SAMMSON: variants seen among roughly 807,000 people sequenced by gnomAD.
SAMMSON encodes the protein long intergenic non-protein coding RNA 1212.
intron 7 of SAMMSON, among the ~76,000 whole-genome samples, chr3:70,335,916 G>GA (rs1042307571): frequency 4.7e-5 from 7 of 149,522 alleles, no homozygotes; most frequent in Admixed American, 6.7e-5. Flanking sequence ...CCCCATCTTG[G>GA]AAAAAAAAAG....
At chr3:70,064,320 GA>G (rs990166724) in intron 3 of SAMMSON, among the ~76,000 whole-genome samples, 1 of 152,130 alleles carries the variant, frequency 6.6e-6, no homozygotes, top group African/African-American at 2.4e-5. Flanking sequence ...GTCATTCTCA[GA>G]AATCTGGGAC....
intron 7 of SAMMSON, among the ~76,000 whole-genome samples, chr3:70,341,281 A>G (rs898018496): frequency 1.4e-4 from 22 of 152,150 alleles, no homozygotes; most frequent in Admixed American, 1.3e-3. Context: ...TTGCACATGC[A>G]GTGACCAATT....
At chr3:70,124,996 C>G (rs770381940) in intron 4 of SAMMSON, 6 of 662,402 alleles carry the variant, frequency 9.1e-6, no homozygotes, top group African/African-American at 1.8e-5. Context: ...TCCAGGTGGT[C>G]AATTTCTTCC....
At chr3:70,263,485 C>T (rs1701887203) in intron 6 of SAMMSON, among the ~76,000 whole-genome samples, 2 of 152,224 alleles carry the variant, frequency 1.3e-5, no homozygotes, top group Admixed American at 6.5e-5. Flanking sequence ...GATGTTTCTC[C>T]TCTTGGGCTG....
chr3:70,205,757 A>C (rs1344245975), intron 4 of SAMMSON: 2 of 152,110 alleles, frequency 1.3e-5, no homozygotes, highest in Non-Finnish European at 2.9e-5. Flanking sequence ...CAAAAAGTAA[A>C]TATGTATTTA....
At chr3:70,217,052 G>A (rs1314318913) in intron 4 of SAMMSON, among the ~76,000 whole-genome samples, 1 of 152,124 alleles carries the variant, frequency 6.6e-6, no homozygotes, top group African/African-American at 2.4e-5. Context: ...TCTGCACAGT[G>A]ATTTTTAAAA....
chr3:70,364,375 A>C (rs1044239750), intron 9 of SAMMSON, among the ~76,000 whole-genome samples: 1 of 151,936 alleles, frequency 6.6e-6, no homozygotes, highest in East Asian at 1.9e-4. Flanking sequence ...TTTGGATTAC[A>C]CTTTACTTCC....
At chr3:70,148,771 C>T (rs1216163706) in intron 4 of SAMMSON, among the ~76,000 whole-genome samples, 1 of 152,100 alleles carries the variant, frequency 6.6e-6, no homozygotes. Context: ...GGATTCATTT[C>T]CCTGACCCAA....
intron 9 of SAMMSON, among the ~76,000 whole-genome samples, chr3:70,388,312 TCG>T (rs1462068974): frequency 6.6e-6 from 1 of 152,106 alleles, no homozygotes; most frequent in African/African-American, 2.4e-5. Context: ...AATAATAAAG[TCG>T]AGTGATTTTC....
intron 4 of SAMMSON, among the ~76,000 whole-genome samples, chr3:70,100,054 C>T (rs2067337581): frequency 6.6e-6 from 1 of 152,174 alleles, no homozygotes. Flanking sequence ...AGGAAATGTT[C>T]AGCCAAGGCT....
intron 3 of SAMMSON, among the ~76,000 whole-genome samples, chr3:70,034,368 A>C (rs1181642968): frequency 6.6e-6 from 1 of 152,210 alleles, no homozygotes; most frequent in African/African-American, 2.4e-5. Flanking sequence ...TCACCGAAGA[A>C]TGGGTTTGGC....
intron 3 of SAMMSON, among the ~76,000 whole-genome samples, chr3:70,040,457 C>G (rs1029093747): frequency 3.5e-4 from 54 of 152,254 alleles, no homozygotes; most frequent in African/African-American, 1.3e-3. Flanking sequence ...GAAGTAAAGA[C>G]TGGTCATCAT....
chr3:70,298,077 G>C (rs1702306677), intron 7 of SAMMSON, among the ~76,000 whole-genome samples: 2 of 151,956 alleles, frequency 1.3e-5, no homozygotes, highest in South Asian at 2.1e-4. Context: ...GAAAAAACAG[G>C]GCTGTGTATA....
intron 4 of SAMMSON, among the ~76,000 whole-genome samples, chr3:70,167,494 T>A (rs2067642565): frequency 6.6e-6 from 1 of 151,978 alleles, no homozygotes; most frequent in African/African-American, 2.4e-5. Context: ...TTTGGACACA[T>A]TGTATTTTGA....
intron 7 of SAMMSON, among the ~76,000 whole-genome samples, chr3:70,350,118 TAAAC>T (rs1436348963): frequency 6.6e-6 from 1 of 152,186 alleles, no homozygotes; most frequent in African/African-American, 2.4e-5. Flanking sequence ...CAGAGGCACT[TAAAC>T]AAAATTATCT....
At chr3:70,149,580 A>G (rs1307766008) in intron 4 of SAMMSON, among the ~76,000 whole-genome samples, 2 of 152,118 alleles carry the variant, frequency 1.3e-5, no homozygotes, top group South Asian at 2.1e-4. Context: ...GATGATTCTG[A>G]TGCAAGCTAA....
chr3:70,358,478 T>A (rs1290983164), intron 9 of SAMMSON, among the ~76,000 whole-genome samples: 2 of 152,138 alleles, frequency 1.3e-5, no homozygotes, highest in African/African-American at 4.8e-5. Context: ...TCCATATCTC[T>A]GGCCAGGTGA....
intron 4 of SAMMSON, among the ~76,000 whole-genome samples, chr3:70,248,617 A>G (rs562078141): frequency 7.2e-5 from 11 of 152,148 alleles, no homozygotes; most frequent in Non-Finnish European, 1.3e-4. Flanking sequence ...GGATTAGAAG[A>G]GCAATATTTA....
chr3:70,101,815 CA>C (rs542232318), intron 4 of SAMMSON, among the ~76,000 whole-genome samples: 54 of 152,188 alleles, frequency 3.5e-4, no homozygotes, highest in Non-Finnish European at 6.8e-4. Flanking sequence ...GCTGAAAAAT[CA>C]ATTAATAACG....
Sources: gnomAD v4.1 joint callset for allele counts (sites outside exome capture counted in the v4.1 genomes callset) on GRCh38, gnomAD v4.1.1 for gene constraint, MANE v1.5 for transcripts, NCBI Gene and HGNC (gene_info 2026-07-23, HGNC 2026-07-21) for gene names.